PPCDC: variants seen among roughly 807,000 people sequenced by gnomAD.
PPCDC encodes the protein phosphopantothenoylcysteine decarboxylase.
In PPCDC, 20 loss-of-function variants were observed where a neutral mutation model predicts 20.7. The observed-to-expected ratio is 0.97, with a 90% CI of 0.68 to 1.41. The LOEUF is 1.41. PPCDC is among the 40% of genes most tolerant of loss of function. PPCDC has a pLI of 0.00. For missense variants in PPCDC, 246 were observed against 263.8 expected (o/e 0.93, Z 0.47); for synonymous variants, 88 against 100.3 (o/e 0.88, Z 0.73).
chr15:75,033,576 A>G (rs904290792), intron 2 of PPCDC, among the ~76,000 whole-genome samples: 2 of 146,550 alleles, frequency 1.4e-5, no homozygotes, highest in African/African-American at 2.5e-5. Flanking sequence ...ATTGGGGAAC[A>G]TTCTTGATAA....
chr15:75,044,014 G>C (rs1483260591), intron 3 of PPCDC, among the ~76,000 whole-genome samples: 1 of 152,000 alleles, frequency 6.6e-6, no homozygotes, highest in African/African-American at 2.4e-5. Context: ...AACATTTCCG[G>C]CTGGCCTGTC....
intron 2 of PPCDC, among the ~76,000 whole-genome samples, chr15:75,030,881 A>G (rs1875133208): frequency 6.6e-6 from 1 of 152,100 alleles, no homozygotes; most frequent in African/African-American, 2.4e-5. Flanking sequence ...GAAAGCCGCT[A>G]ATGTCAAGGT....
In PPCDC at chr15:75,044,411, T is replaced by A; in HGVS notation, c.257T>A (p.Val86Asp). ...ATATGGAAGAGCCGCTCTGACCCAG[T>A]TCTGCACATTGACCTGCGGAGGTGG... is the stretch of plus-strand genomic sequence containing the variant. Reference protein sequence around the residue: ...WEIWKSRSDPVLHIDLRRWAD... With the variant: ...WEIWKSRSDPDLHIDLRRWAD... Residue 86 changes from valine to aspartate, a missense_variant, in exon 4 of 6, where the codon GTT (valine) becomes GAT (aspartate). By Grantham distance (152) the Val-to-Asp change is radical. Transcript: ENST00000342932. 6.2e-7 allele frequency: 1 copy of A among 1,614,074 alleles called. No individual in the cohort carries two copies.
intron 3 of PPCDC, 69 bp from the exon 4 acceptor site, chr15:75,044,317 C>A: frequency 6.3e-7 from 1 of 1,587,840 alleles, no homozygotes; most frequent in Non-Finnish European, 8.6e-7. Context: ...CCTGACTTAC[C>A]GTACCTGGCC....
At chr15:75,041,248 C>T (rs2066149522) in intron 2 of PPCDC, among the ~76,000 whole-genome samples, 1 of 152,188 alleles carries the variant, frequency 6.6e-6, no homozygotes, top group Non-Finnish European at 1.5e-5. Flanking sequence ...TAATGCAGCC[C>T]TGCTCATTTG....
chr15:75,043,402 C>T, intron 2 of PPCDC, 39 bp from the exon 3 acceptor site: 1 of 1,552,584 alleles, frequency 6.4e-7, no homozygotes, highest in Middle Eastern at 1.7e-4. Flanking sequence ...GTAACAGTTT[C>T]TTCCTCCCTC....
At chr15:75,029,014 CG>C (rs1207461903) in intron 2 of PPCDC, among the ~76,000 whole-genome samples, 1 of 152,166 alleles carries the variant, frequency 6.6e-6, no homozygotes, top group Non-Finnish European at 1.5e-5. Flanking sequence ...CTCTAGCCCC[CG>C]TCCTTGGCCA....
At chr15:75,028,988 G>A (rs2065989842) in intron 2 of PPCDC, among the ~76,000 whole-genome samples, 1 of 152,172 alleles carries the variant, frequency 6.6e-6, no homozygotes, top group African/African-American at 2.4e-5. Flanking sequence ...CCCCGACTGT[G>A]TGCTGGGGTG....
At chr15:75,044,538 G>T in intron 4 of PPCDC, 24 bp downstream of exon 4, 4 of 1,608,318 alleles carry the variant, frequency 2.5e-6, no homozygotes, top group Non-Finnish European at 3.4e-6. Context: ...TGGTGCCCTC[G>T]TCCGTCCCTG....
intron 4 of PPCDC, among the ~76,000 whole-genome samples, chr15:75,045,659 A>G (rs888691959): frequency 3.9e-5 from 6 of 152,176 alleles, no homozygotes; most frequent in Non-Finnish European, 7.3e-5. Flanking sequence ...TTTGAATAAG[A>G]GCACAGGGTG....
At chr15:75,032,747 C>T (rs949253330) in intron 2 of PPCDC, among the ~76,000 whole-genome samples, 9 of 120,370 alleles carry the variant, frequency 7.5e-5, no homozygotes, top group Admixed American at 2.1e-4. Context: ...AGGCCAAATT[C>T]GGCTCTGCCT....
intron 2 of PPCDC, among the ~76,000 whole-genome samples, chr15:75,042,982 C>G (rs1196072947): frequency 6.6e-6 from 1 of 152,244 alleles, no homozygotes; most frequent in Non-Finnish European, 1.5e-5. Context: ...ATGCCGCGCC[C>G]CAGCCCCCAG....
At chr15:75,037,475 G>A (rs963832961) in intron 2 of PPCDC, among the ~76,000 whole-genome samples, 9 of 152,214 alleles carry the variant, frequency 5.9e-5, no homozygotes, top group Non-Finnish European at 7.3e-5. Context: ...GGCTGGGCGC[G>A]GTGGCTCATG....
At chr15:75,038,335 A>G (rs1425354028) in intron 2 of PPCDC, among the ~76,000 whole-genome samples, 2 of 152,276 alleles carry the variant, frequency 1.3e-5, no homozygotes, top group East Asian at 3.9e-4. Flanking sequence ...TCTGGGGGCT[A>G]CTGATGGTGG....
intron 2 of PPCDC, among the ~76,000 whole-genome samples, chr15:75,035,900 G>A (rs1185135798): frequency 1.4e-5 from 2 of 147,578 alleles, no homozygotes; most frequent in African/African-American, 5.0e-5. Flanking sequence ...CCAGGAGGCA[G>A]AGGTTGCAGT....
chr15:75,026,529 C>A (rs1044041813), intron 1 of PPCDC, among the ~76,000 whole-genome samples: 3 of 152,174 alleles, frequency 2.0e-5, no homozygotes, highest in African/African-American at 7.2e-5. Context: ...GATAATGCAG[C>A]CAAACATGAT....
At chr15:75,036,654 T>C (rs2066088367) in intron 2 of PPCDC, among the ~76,000 whole-genome samples, 1 of 151,936 alleles carries the variant, frequency 6.6e-6, no homozygotes, top group South Asian at 2.1e-4. Flanking sequence ...GGTGAGAGGC[T>C]TAACAGGACC....
chr15:75,026,831 G>C (rs1286722697), intron 1 of PPCDC, among the ~76,000 whole-genome samples: 1 of 152,154 alleles, frequency 6.6e-6, no homozygotes, highest in Non-Finnish European at 1.5e-5. Flanking sequence ...GAGCTTCAGA[G>C]ATCATCTGGT....
intron 1 of PPCDC, among the ~76,000 whole-genome samples, chr15:75,025,843 TC>T (rs941578750): frequency 6.6e-6 from 1 of 152,218 alleles, no homozygotes; most frequent in Admixed American, 6.5e-5. Context: ...CCATCACCCT[TC>T]CTGGAATTCT....
Sources: allele counts gnomAD v4.1 joint callset (sites outside exome capture counted in the v4.1 genomes callset), GRCh38; gene constraint gnomAD v4.1.1; transcripts MANE v1.5; gene names NCBI Gene and HGNC (gene_info 2026-07-23, HGNC 2026-07-21).